The following ANKRD60 variants were observed in gnomAD, a reference collection of about 807,000 sequenced individuals.
ANKRD60 encodes the protein ankyrin repeat domain-containing protein 60.
Under a neutral mutation model 21.3 loss-of-function variants are expected in ANKRD60, and 24 were observed. The ratio of observed to expected loss-of-function variants is 1.13; its 90% CI spans 0.82 to 1.59. ANKRD60 has a LOEUF of 1.59. ANKRD60 is among the 40% of genes most tolerant of loss of function. ANKRD60 has a pLI of 0.00. For synonymous variants in ANKRD60, 182 were observed against 199.4 expected, an observed-to-expected ratio of 0.91 and a Z score of 0.74; for missense variants, 490 against 466.7, an observed-to-expected ratio of 1.05 and a Z score of -0.46.
At chr20:58,223,070 C>T in exon 2 of ANKRD60, 1 of 1,550,796 alleles carries the variant, frequency 6.4e-7, no homozygotes, top group Non-Finnish European at 8.7e-7. Context: ...GATCCCCTTC[C>T]ACAGCCGCCA....
exon 2 of ANKRD60, chr20:58,223,164 G>A (rs980562051): frequency 1.3e-6 from 2 of 1,546,720 alleles, no homozygotes; most frequent in African/African-American, 2.8e-5. Context: ...CTTCAGGGTA[G>A]TGTCATCCAT....
exon 3 of ANKRD60, chr20:58,221,442 T>C (rs1168324036): frequency 3.5e-5 from 54 of 1,552,042 alleles, no homozygotes; most frequent in Non-Finnish European, 4.7e-5. Context: ...CTTCTCACCC[T>C]CAAAATGTTC....
At chr20:58,221,627 A>T (rs1360296267) in intron 2 of ANKRD60, 124 bp from the exon 3 acceptor site, 11 of 1,113,550 alleles carry the variant, frequency 9.9e-6, no homozygotes, top group Non-Finnish European at 1.4e-5. Flanking sequence ...TGATGGGAAA[A>T]GAGAGGTGCA....
chr20:58,225,533 T>G (rs1055795700), intron 1 of ANKRD60, among the ~76,000 whole-genome samples: 5 of 152,196 alleles, frequency 3.3e-5, no homozygotes, highest in African/African-American at 1.2e-4. Flanking sequence ...GCCTTCACTG[T>G]GCATTTTGAG....
At chr20:58,217,450 A>C (rs190370867), downstream of ANKRD60, among the ~76,000 whole-genome samples, 140 of 151,950 alleles carry the variant, frequency 9.2e-4, 1 homozygote, top group Middle Eastern at 6.8e-3. Context: ...AAAAAAAATC[A>C]AGGGAGATCC....
In ANKRD60 at chr20:58,228,387, C is replaced by CA; in HGVS notation, c.266dup (p.Leu89PhefsTer4). The CA allele has an allele frequency of 6.5e-7, 1 of 1,547,656 alleles. No homozygotes were observed. The highest frequency in any genetic ancestry group is 8.7e-7 in the Non-Finnish European group (1 of 1,146,758). ...CCCGCAGGACGAAGACGTCAGGGGC[C>CA]AAGTCGGGCAAGGCACTCGCGGCCT... On this transcript the variant is annotated frameshift_variant, in exon 1 of 4. Transcript: ENST00000457363. LOFTEE classifies it high-confidence loss of function. This position sits in a 1 kb window ranked among gnomAD's most constrained non-coding sequence, Gnocchi z 5.3.
Position 58,228,387 on chromosome 20 carries a change from C to T in ANKRD60, c.267G>A (p.Leu89=), listed in dbSNP as rs1984411411. 8 of 1,547,656 alleles carry T rather than the reference C, an allele frequency of 5.2e-6. No individual in the cohort carries two copies. In the South Asian group the frequency reaches 5.9e-5, roughly 12 times the overall value. Residue 89 remains leucine (L), a synonymous_variant, in exon 1 of 4, where the codon TTG becomes TTA. Coordinates refer to ENST00000457363, the Ensembl canonical transcript of ANKRD60. The surrounding 1 kb of genome is among the most constrained non-coding windows in gnomAD (Gnocchi z 5.3). Reference sequence around the variant, plus strand: ...CCCGCAGGACGAAGACGTCAGGGGCCAAGTCGGGCAAGGCACTCGCGGCCT... The same window carrying T: ...CCCGCAGGACGAAGACGTCAGGGGCTAAGTCGGGCAAGGCACTCGCGGCCT...
chr20:58,222,185 C>A (rs1390146204), intron 2 of ANKRD60, among the ~76,000 whole-genome samples: 1 of 152,102 alleles, frequency 6.6e-6, no homozygotes, highest in East Asian at 1.9e-4. Flanking sequence ...AAGCATGGAC[C>A]ACACTGCTGG....
rs1984421273 is a variant in ANKRD60 at position 58,228,583 on chromosome 20, G to T, written c.71C>A (p.Pro24Gln). The T allele has an allele frequency of 1.7e-6, 2 of 1,164,980 alleles. No individual in the cohort carries two copies. Among genetic ancestry groups the T allele is most frequent in the Middle Eastern group, 3.5e-4 (1 of 2,864 alleles). 72.2% of individuals were successfully genotyped at this position (1,164,980 alleles called of 1,614,324 possible). ...GTGCAGGCGAGAGGCGCCCCCAGTT[G>T]GCCCCGCCGCCCGCGCTCCGCCCGC... Residue 24 changes from proline to glutamine, a missense_variant, in exon 1 of 4, where the codon CCA becomes CAA. Pro to Gln is a moderately conservative substitution (Grantham distance 76). Coordinates refer to ENST00000457363, the Ensembl canonical transcript of ANKRD60. The surrounding 1 kb of genome is among the most constrained non-coding windows in gnomAD (Gnocchi z 5.3).
intron 1 of ANKRD60, among the ~76,000 whole-genome samples, chr20:58,226,274 A>G (rs1984362122): frequency 6.6e-6 from 1 of 151,864 alleles, no homozygotes; most frequent in East Asian, 1.9e-4. Flanking sequence ...TCCTGATGTG[A>G]AAAGGTCTGT....
chr20:58,216,351 C>T (rs900155130), downstream of ANKRD60, among the ~76,000 whole-genome samples: 5 of 152,148 alleles, frequency 3.3e-5, no homozygotes. Flanking sequence ...GAATGCTTGC[C>T]CCCAGAATTT....
At chr20:58,217,747 G>C (rs1568835848), downstream of ANKRD60, among the ~76,000 whole-genome samples, 1 of 152,208 alleles carries the variant, frequency 6.6e-6, no homozygotes, top group Non-Finnish European at 1.5e-5. Context: ...AGAAGGAAGG[G>C]CTATCCCAGT....
chr20:58,222,737 T>C (rs1984285029), intron 2 of ANKRD60, among the ~76,000 whole-genome samples: 1 of 152,242 alleles, frequency 6.6e-6, no homozygotes, highest in Non-Finnish European at 1.5e-5. Context: ...AGTTCTCCTC[T>C]CAGTATTAAA....
chr20:58,223,870 G>A (rs755755976), intron 1 of ANKRD60, among the ~76,000 whole-genome samples: 6 of 152,222 alleles, frequency 3.9e-5, no homozygotes, highest in Non-Finnish European at 7.3e-5. Context: ...TTGGGAGGCT[G>A]AGGTGGGCAG....
Position 58,218,784 on chromosome 20 carries a change from GA to G in ANKRD60, c.748del (p.Ser250ProfsTer20). 1.3e-6 allele frequency: 2 copies of G among 1,541,684 alleles called. No individual in the cohort carries two copies. The highest frequency in any genetic ancestry group is 4.9e-5 in the East Asian group (2 of 40,748). ...ATGCAGGGGTGTCCTGCCCAGGGGG[GA>G]TCTGCTGAGGCAGCTGGCTCCTGTA... On this transcript the variant is annotated frameshift_variant, in exon 4 of 4. Transcript: ENST00000457363. LOFTEE classifies it low-confidence loss of function (END_TRUNC).
intron 1 of ANKRD60, 57 bp from the exon 2 acceptor site, chr20:58,223,239 C>T: frequency 1.2e-5 from 17 of 1,418,634 alleles, no homozygotes; most frequent in Non-Finnish European, 1.6e-5. Flanking sequence ...TAAACTACTA[C>T]ATTGGTTAAG....
chr20:58,223,271 A>G, intron 1 of ANKRD60, 89 bp from the exon 2 acceptor site: 2 of 1,089,996 alleles, frequency 1.8e-6, no homozygotes, highest in Non-Finnish European at 2.6e-6. Context: ...TCTGACCTTG[A>G]GTGCCACAAA....
intron 2 of ANKRD60, among the ~76,000 whole-genome samples, chr20:58,222,815 G>C (rs936628185): frequency 6.6e-6 from 1 of 152,232 alleles, no homozygotes; most frequent in African/African-American, 2.4e-5. Context: ...TTTGCGGGGA[G>C]GGGTGGGGCG....
At chr20:58,222,851 G>C (rs1349331065) in intron 2 of ANKRD60, among the ~76,000 whole-genome samples, 1 of 152,146 alleles carries the variant, frequency 6.6e-6, no homozygotes, top group East Asian at 1.9e-4. Context: ...ATCACAAATC[G>C]ATAAACCCAG....
Sources: gnomAD v4.1 joint callset for allele counts (sites outside exome capture counted in the v4.1 genomes callset) on GRCh38, gnomAD v4.1.1 for gene constraint, Gnocchi (gnomAD v3.1) non-coding constraint, MANE v1.5 for transcripts, NCBI Gene and HGNC (gene_info 2026-07-23, HGNC 2026-07-21) for gene names.